Variants in SLC22A25 observed in about 807,000 individuals in gnomAD.
The protein encoded by SLC22A25 is solute carrier family 22 member 25, also known as MGI:2442751, MGI:2385316, MGI:3042283, MGI:3645714, MGI:3605624, MGI:2442750.
In SLC22A25, 44 loss-of-function variants were observed where a neutral mutation model predicts 45.9. The observed-to-expected ratio is 0.96, with a 90% CI of 0.75 to 1.23. The LOEUF is 1.23. Ranked by LOEUF, SLC22A25 falls within the 50% of genes most tolerant of loss-of-function variation. The pLI is 0.00. For missense variants in SLC22A25, 800 were observed against 666.4 expected, an observed-to-expected ratio of 1.20 and a Z score of -2.21; for synonymous variants, 283 against 238.6, an observed-to-expected ratio of 1.19 and a Z score of -1.72.
rs1351463982 is a variant in SLC22A25, at chr11:63,233,975, G to A, written c.-444-3879C>T. Among the ~76,000 whole-genome samples, 6 of 151,932 alleles carry A rather than the reference G, an allele frequency of 3.9e-5. No individual in the cohort carries two copies. In the East Asian group the frequency reaches 1.2e-3, roughly 29 times the overall value. On this transcript the variant is annotated intron_variant, in intron 3 of 11. Transcript: ENST00000306494. Reference sequence around the variant, plus strand: ...GTGAGTTTCTTAATCCTGAGTTCTAGTTTGATTGCACTGTGGCCTGAGAGA... The same window carrying A: ...GTGAGTTTCTTAATCCTGAGTTCTAATTTGATTGCACTGTGGCCTGAGAGA...
At chr11:63,236,438 A>G (rs1046038671) in intron 3 of SLC22A25, among the ~76,000 whole-genome samples, 4 of 152,192 alleles carry the variant, frequency 2.6e-5, no homozygotes, top group African/African-American at 7.2e-5. Context: ...AGGAACCTCC[A>G]AGCCATGTGT....
At chr11:63,184,852 A>T (rs187621489) in intron 7 of SLC22A25, among the ~76,000 whole-genome samples, 117 of 152,308 alleles carry the variant, frequency 7.7e-4, no homozygotes, top group African/African-American at 2.6e-3. Context: ...AATAACTCCC[A>T]GGCAATGATT....
chr11:63,165,921 T>G, intron 10 of SLC22A25, 123 bp downstream of exon 10: 1 of 1,246,106 alleles, frequency 8.0e-7, no homozygotes, highest in South Asian at 1.6e-5. Flanking sequence ...CCCAGATTTC[T>G]ATCAGGGAAT....
chr11:63,181,859 C>T (rs180870569), intron 8 of SLC22A25, among the ~76,000 whole-genome samples: 2 of 152,070 alleles, frequency 1.3e-5, no homozygotes, highest in African/African-American at 2.4e-5. Context: ...TCTTCTATTC[C>T]AGTTTTCTCA....
At chr11:63,229,228 G>A in intron 4 of SLC22A25, 23 bp downstream of exon 4, 2 of 1,503,028 alleles carry the variant, frequency 1.3e-6, no homozygotes, top group Non-Finnish European at 1.8e-6. Flanking sequence ...ATGTACACAA[G>A]AGAGGAAAAT....
Position 63,242,050 on chromosome 11 carries a change from T to C in SLC22A25, c.-996+1384A>G, listed in dbSNP as rs1264731822. Among the ~76,000 whole-genome samples, 4 of 152,242 alleles carry C rather than the reference T, an allele frequency of 2.6e-5. No individual in the cohort carries two copies. In the East Asian group the frequency reaches 5.8e-4, roughly 22 times the overall value. On this transcript the variant is annotated intron_variant, in intron 1 of 11. Coordinates refer to ENST00000306494, the MANE Select transcript of SLC22A25 (RefSeq NM_199352.6). Reference sequence around the variant, plus strand: ...AATGGAGATATTTTGGGTGTGGCTTTTGTCTAATGGAGCAGATTCCAGTAA... The same window carrying C: ...AATGGAGATATTTTGGGTGTGGCTTCTGTCTAATGGAGCAGATTCCAGTAA...
Position 63,162,189 on chromosome 11 carries a change from G to C in SLC22A25, c.*1635C>G, listed in dbSNP as rs546179533. On this transcript the variant is annotated 3_prime_UTR_variant, in exon 12 of 12. Transcript: ENST00000306494. ...TAGTCCTTTGTCAGAGGGGTAGTTT[G>C]CAAGTATTTTCTCCCATTCTGTGGG... 1.1e-4 allele frequency among the ~76,000 whole-genome samples: 16 copies of C among 152,138 alleles called. No homozygotes were observed. The highest frequency in any genetic ancestry group is 5.9e-4 in the Admixed American group (9 of 15,272).
intron 9 of SLC22A25, chr11:63,167,911 G>A: frequency 2.6e-6 from 1 of 390,814 alleles, no homozygotes; most frequent in Non-Finnish European, 5.1e-6. Flanking sequence ...CTTCATACAG[G>A]AGAGCTCTGG....
At chr11:63,200,136 T>A (rs543901354) in intron 7 of SLC22A25, among the ~76,000 whole-genome samples, 1 of 151,736 alleles carries the variant, frequency 6.6e-6, no homozygotes, top group Admixed American at 6.6e-5. Context: ...GAGTAGAAAC[T>A]CCTCCCTAAC....
At chr11:63,243,137 G>A in intron 1 of SLC22A25, 1 of 182,816 alleles carries the variant, frequency 5.5e-6, no homozygotes, top group South Asian at 1.2e-4. Context: ...ACGAGGGACT[G>A]CAACCTACTC....
chr11:63,194,890 C>CAAAAAAAAAAAAAAAAAAAAAAAA (rs796301840), intron 7 of SLC22A25, among the ~76,000 whole-genome samples: 7 of 34,656 alleles, frequency 2.0e-4, no homozygotes, highest in Non-Finnish European at 3.7e-4. Context: ...AAATGGAAAG[C>CAAAAAAAAAAAAAAAAAAAAAAAA]AAAAAAAAAA....
chr11:63,193,969 A>G (rs2088908969), intron 7 of SLC22A25, among the ~76,000 whole-genome samples: 2 of 152,204 alleles, frequency 1.3e-5, no homozygotes, highest in Non-Finnish European at 2.9e-5. Flanking sequence ...AAAACCTTAA[A>G]TGACCTGATG....
chr11:63,190,839 G>A (rs1292007169), intron 7 of SLC22A25, among the ~76,000 whole-genome samples: 1 of 152,186 alleles, frequency 6.6e-6, no homozygotes, highest in Non-Finnish European at 1.5e-5. Flanking sequence ...CTGGGTATCA[G>A]CAGCAGAGGC....
intron 7 of SLC22A25, among the ~76,000 whole-genome samples, chr11:63,210,019 T>C (rs965924723): frequency 7.2e-5 from 11 of 152,118 alleles, no homozygotes; most frequent in African/African-American, 2.4e-4. Context: ...AGGAAGGCAA[T>C]GAATATGAGT....
chr11:63,164,226 T>C (rs753068588), intron 11 of SLC22A25, among the ~76,000 whole-genome samples, 153 bp from the exon 12 acceptor site: 1 of 152,184 alleles, frequency 6.6e-6, no homozygotes, highest in Non-Finnish European at 1.5e-5. Context: ...TTGCTAGCAA[T>C]TTATTTTAGA....
chr11:63,228,397 T>G, intron 5 of SLC22A25, 64 bp downstream of exon 5: 1 of 1,302,950 alleles, frequency 7.7e-7, no homozygotes, highest in South Asian at 1.3e-5. Flanking sequence ...TATTTCTAGA[T>G]GAAAAGTGTT....
intron 1 of SLC22A25, among the ~76,000 whole-genome samples, chr11:63,242,250 A>T (rs2090261271): frequency 6.6e-6 from 1 of 152,222 alleles, no homozygotes; most frequent in African/African-American, 2.4e-5. Flanking sequence ...CGAAAACCAC[A>T]TACTAACTTT....
chr11:63,191,804 T>C (rs1341052047), intron 7 of SLC22A25, among the ~76,000 whole-genome samples: 2 of 151,858 alleles, frequency 1.3e-5, no homozygotes, highest in African/African-American at 2.4e-5. Flanking sequence ...GAAAAAAGAA[T>C]GAAAAGGAAT....
intron 7 of SLC22A25, among the ~76,000 whole-genome samples, chr11:63,199,609 A>C (rs2134775187): frequency 6.6e-6 from 1 of 152,166 alleles, no homozygotes; most frequent in East Asian, 1.9e-4. Context: ...GTCTAAGATA[A>C]AATTTACTAG....
Sources: allele counts gnomAD v4.1 joint callset (sites outside exome capture counted in the v4.1 genomes callset), GRCh38; gene constraint gnomAD v4.1.1; transcripts MANE v1.5; gene names NCBI Gene and HGNC (gene_info 2026-07-23, HGNC 2026-07-21).